The following RPL24 variants were observed in gnomAD, a reference collection of about 807,000 sequenced individuals.
The protein encoded by RPL24 is large ribosomal subunit protein eL24.
Under a neutral mutation model 26.4 loss-of-function variants are expected in RPL24, and 7 were observed. The ratio of observed to expected loss-of-function variants is 0.27; its 90% CI spans 0.15 to 0.50. RPL24 has a LOEUF of 0.50. RPL24 is among the 20% of genes least tolerant of loss of function. The pLI, the probability that RPL24 is intolerant of heterozygous loss-of-function variation, is 0.98. For missense variants in RPL24, 109 were observed against 194.9 expected, an observed-to-expected ratio of 0.56 and a Z score of 2.62; for synonymous variants, 67 against 65.2, an observed-to-expected ratio of 1.03 and a Z score of -0.13.
chr3:101,682,483 C>T lies in RPL24; in HGVS notation c.339G>A (p.Lys113=). Residue 113 remains lysine (K), a synonymous_variant, in exon 5 of 6, where the codon AAG becomes AAA. Coordinates refer to ENST00000394077, the MANE Select transcript of RPL24 (RefSeq NM_000986.4). Reference sequence around the variant, plus strand: ...ATGCTTGCTTAGCCTTTTTTGCTTCCTTAGCAGCCCTGTGGGGTAAAAGTA... The same window carrying T: ...ATGCTTGCTTAGCCTTTTTTGCTTCTTTAGCAGCCCTGTGGGGTAAAAGTA... ...AQREQAIRAA[K]EAKKAKQASK... is the part of the protein sequence containing the mutation. 6.2e-7 allele frequency: 1 copy of T among 1,613,528 alleles called. No individual in the cohort carries two copies. The highest frequency in any genetic ancestry group is 8.5e-7 in the Non-Finnish European group (1 of 1,179,656).
At position 101,686,469 on chromosome 3, in the gene RPL24, C is replaced by T. The variant is rs72935816; in HGVS notation, c.81+13G>A. Reference sequence around the variant, plus strand: ...AGTACAAGAAGGTAGGTGAAGCCGACGCGGCTTTTTACCTTCCCGTCGGTC... The same window carrying T: ...AGTACAAGAAGGTAGGTGAAGCCGATGCGGCTTTTTACCTTCCCGTCGGTC... On this transcript the variant is annotated intron_variant, in intron 2 of 5. Transcript: ENST00000394077. 925 of 1,612,184 alleles carry T rather than the reference C, an allele frequency of 5.7e-4. 5 individuals carry two copies. In the African/African-American group the frequency reaches 0.011, roughly 18 times the overall value.
At chr3:101,684,620 A>G (rs993980333) in intron 3 of RPL24, among the ~76,000 whole-genome samples, 5 of 151,828 alleles carry the variant, frequency 3.3e-5, no homozygotes, top group African/African-American at 4.8e-5. Context: ...GTCTCCTCAA[A>G]ATATATTTAA....
chr3:101,684,037 C>A (rs1374657731), intron 3 of RPL24, among the ~76,000 whole-genome samples: 1 of 151,944 alleles, frequency 6.6e-6, no homozygotes, highest in Non-Finnish European at 1.5e-5. Flanking sequence ...TAAGTAGAAA[C>A]TGGGGTCTTC....
chr3:101,683,799 C>T (rs1338765337), intron 3 of RPL24, among the ~76,000 whole-genome samples: 1 of 151,156 alleles, frequency 6.6e-6, no homozygotes, highest in African/African-American at 2.4e-5. Context: ...ACCTCCGCCT[C>T]CACCTCCGGG....
intron 3 of RPL24, 105 bp from the exon 4 acceptor site, chr3:101,683,012 T>A (rs1937282122): frequency 1.0e-6 from 1 of 980,226 alleles, no homozygotes; most frequent in Non-Finnish European, 1.5e-6. Flanking sequence ...ATTTTAAGAT[T>A]CATATTCAAC....
intron 4 of RPL24, 71 bp from the exon 5 acceptor site, chr3:101,682,563 A>G: frequency 7.8e-7 from 1 of 1,289,554 alleles, no homozygotes; most frequent in Non-Finnish European, 1.1e-6. Flanking sequence ...TTAGAGTTAG[A>G]CTGTACTGGA....
chr3:101,684,147 C>A (rs1285515392), intron 3 of RPL24, among the ~76,000 whole-genome samples: 1 of 151,752 alleles, frequency 6.6e-6, no homozygotes, highest in Non-Finnish European at 1.5e-5. Context: ...GCGTGAGGCA[C>A]TGCACTAGGC....
chr3:101,685,737 T>C, intron 3 of RPL24, 81 bp downstream of exon 3: 4 of 729,030 alleles, frequency 5.5e-6, no homozygotes, highest in Non-Finnish European at 9.5e-6. Flanking sequence ...CTGATTTAAT[T>C]TTACAGAGCA....
At chr3:101,684,491 T>C (rs918064858) in intron 3 of RPL24, among the ~76,000 whole-genome samples, 2 of 152,146 alleles carry the variant, frequency 1.3e-5, no homozygotes, top group African/African-American at 2.4e-5. Flanking sequence ...TTTTAAATTA[T>C]AATTTAGCTA....
At chr3:101,681,316 T>A in intron 5 of RPL24, 101 bp from the exon 6 acceptor site, 1 of 803,770 alleles carries the variant, frequency 1.2e-6, no homozygotes, top group Non-Finnish European at 2.2e-6. Context: ...ATCACTTTCT[T>A]AGTAATTTAA....
intron 3 of RPL24, 69 bp from the exon 4 acceptor site, chr3:101,682,976 G>C: frequency 6.9e-7 from 1 of 1,444,120 alleles, no homozygotes; most frequent in Non-Finnish European, 9.5e-7. Context: ...GAAAAATTAA[G>C]TCTTTTAAGA....
chr3:101,684,670 G>C (rs1366260872), intron 3 of RPL24, among the ~76,000 whole-genome samples: 4 of 150,608 alleles, frequency 2.7e-5, no homozygotes, highest in Admixed American at 2.0e-4. Context: ...TGTGGACCAC[G>C]GGGTAGGCGG....
At chr3:101,686,430 C>A in intron 2 of RPL24, 52 bp downstream of exon 2, 1 of 1,527,748 alleles carries the variant, frequency 6.5e-7, no homozygotes, top group Non-Finnish European at 9.0e-7. Flanking sequence ...ATTAAACCAG[C>A]CTTTCCTCCT....
At position 101,685,891 on chromosome 3, in the gene RPL24, A is replaced by T. The variant is rs777165220; in HGVS notation, c.119T>A (p.Phe40Tyr). ...QFLNAKCESA[F>Y]LSKRNPRQIN... ...CTGCCGAGGATTCCTCTTGGAAAGG[A>T]AAGCCGACTCGCATTTCGCATTAAG... Residue 40 changes from phenylalanine (F) to tyrosine (Y), a missense_variant, in exon 3 of 6, where the codon TTC (phenylalanine) becomes TAC (tyrosine). Around this residue, in one of 3 missense-constraint regions of RPL24, gnomAD observed 69 missense variants for 96.2 expected, o/e 0.72. Coordinates refer to ENST00000394077, the MANE Select transcript of RPL24 (RefSeq NM_000986.4). The T allele has an allele frequency of 6.2e-7, 1 of 1,614,048 alleles. No homozygotes were observed. The highest frequency in any genetic ancestry group is 1.7e-5 in the Admixed American group (1 of 60,012).
intron 2 of RPL24, 41 bp from the exon 3 acceptor site, chr3:101,685,969 A>G (rs2303473): frequency 0.37 from 464,094 of 1,271,246 alleles, 86,725 homozygotes; most frequent in Middle Eastern, 0.42. Context: ...TTAACTATAC[A>G]AAGTACAAGA....
At chr3:101,684,174 T>TC (rs1463781073) in intron 3 of RPL24, among the ~76,000 whole-genome samples, 1 of 151,670 alleles carries the variant, frequency 6.6e-6, no homozygotes, top group East Asian at 1.9e-4. Flanking sequence ...TAACTTTTTT[T>TC]TTTTTTTTTA....
rs200609059 is a variant in RPL24, at chr3:101,686,714, G to C, written c.-38C>G. 31 of 1,613,758 alleles carry C rather than the reference G, an allele frequency of 1.9e-5. No individual in the cohort carries two copies. Among genetic ancestry groups the C allele is most frequent in the Middle Eastern group, 1.7e-4 (1 of 5,938 alleles). On this transcript the variant is annotated 5_prime_UTR_variant, in exon 1 of 6. Coordinates refer to ENST00000394077, the MANE Select transcript of RPL24 (RefSeq NM_000986.4). Reference sequence around the variant, plus strand: ...ACGGAAAGACAAAAGATGGCGAAAAGAAAGAGAGAATCATGGGAAGAGACC... The same window carrying C: ...ACGGAAAGACAAAAGATGGCGAAAACAAAGAGAGAATCATGGGAAGAGACC...
chr3:101,684,776 C>CAAAAAAAAAAAAAAAAAAAAAAAA lies in RPL24; in HGVS notation c.192+1018_192+1041dup, dbSNP rs57278210. ...CTGAGCAACAGAGGACCTGTCTCCC[C>CAAAAAAAAAAAAAAAAAAAAAAAA]AAAAAAAAAAAAAAAAAAAAAAAAA... On this transcript the variant is annotated intron_variant, in intron 3 of 5. Coordinates refer to ENST00000394077, the MANE Select transcript of RPL24 (RefSeq NM_000986.4). Among the ~76,000 whole-genome samples the CAAAAAAAAAAAAAAAAAAAAAAAA allele has an allele frequency of 4.7e-4, 25 of 53,212 alleles. 1 individual carries two copies. Among genetic ancestry groups the CAAAAAAAAAAAAAAAAAAAAAAAA allele is most frequent in the East Asian group, 7.1e-4 (1 of 1,406 alleles). The allele number at this position is 53,212 out of a possible 152,430, so 34.9% of individuals were successfully genotyped here. A position where few individuals can be genotyped will look rare whatever the true frequency, so the allele number is the denominator to read the frequency against.
intron 3 of RPL24, 59 bp from the exon 4 acceptor site, chr3:101,682,966 G>A: frequency 1.3e-6 from 2 of 1,503,126 alleles, no homozygotes; most frequent in South Asian, 1.2e-5. Context: ...TTAGAGGGAG[G>A]AAAAATTAAG....
Sources: gnomAD v4.1 joint callset for allele counts (sites outside exome capture counted in the v4.1 genomes callset) on GRCh38, gnomAD v4.1.1 for gene constraint, gnomAD v4.1.1 regional missense constraint, MANE v1.5 for transcripts, NCBI Gene and HGNC (gene_info 2026-07-23, HGNC 2026-07-21) for gene names.